Variants in KMT2E observed in about 807,000 individuals in gnomAD.
KMT2E encodes histone reader KMT2E.
In KMT2E, 30 loss-of-function variants were observed where a neutral mutation model predicts 184.6. The observed-to-expected ratio is 0.16, with a 90% CI of 0.12 to 0.22. The LOEUF (loss-of-function observed/expected upper bound fraction) is 0.22. Ranked by LOEUF, KMT2E falls within the 10% of genes least tolerant of loss-of-function variation. The probability of loss-of-function intolerance (pLI) is 1.00; values close to 1 mark genes in which losing one functional copy is unlikely to be tolerated. For synonymous variants in KMT2E, 815 were observed against 776.5 expected, an observed-to-expected ratio of 1.05 and a Z score of -0.82; for missense variants, 2,023 against 2,237.4, an observed-to-expected ratio of 0.90 and a Z score of 1.93.
chr7:105,020,790 C>T (rs1794918280), intron 1 of KMT2E, among the ~76,000 whole-genome samples: 1 of 152,134 alleles, frequency 6.6e-6, no homozygotes, highest in Admixed American at 6.5e-5. Flanking sequence ...CTTTTCCTTA[C>T]CGTTTGGCCT....
At position 105,035,076 on chromosome 7, in the gene KMT2E, G is replaced by A. The variant is rs1292090678; in HGVS notation, c.-188-3050G>A. On this transcript the variant is annotated intron_variant, in intron 1 of 26. Transcript: ENST00000311117. ...GTCTTGCTGTGTTGCCCAGGCTGGGGTGCAGTGGCACGATCTCGGCTCACT... is the reference window on the plus strand; with the variant it reads ...GTCTTGCTGTGTTGCCCAGGCTGGGATGCAGTGGCACGATCTCGGCTCACT... Among the ~76,000 whole-genome samples, 6 of 150,184 alleles carry A rather than the reference G, an allele frequency of 4.0e-5. No homozygotes were observed. In the South Asian group the frequency reaches 1.1e-3, roughly 27 times the overall value.
In KMT2E at chr7:105,053,742, A is replaced by G. The variant is rs541458816; in HGVS notation, c.72-8422A>G. Among the ~76,000 whole-genome samples, 38 of 152,294 alleles carry G rather than the reference A, an allele frequency of 2.5e-4. No homozygotes were observed. In the South Asian group the frequency reaches 6.4e-3, roughly 26 times the overall value. On this transcript the variant is annotated intron_variant, in intron 3 of 26. Coordinates refer to ENST00000311117, the MANE Select transcript of KMT2E (RefSeq NM_182931.3). ...ATTTTTTTAAAAATTAGCCAGGCAT[A>G]GTGGCTCATGACTGTAATCTACTCA...
At position 105,106,095 on chromosome 7, in the gene KMT2E, A is replaced by C. The variant is rs1383348086; in HGVS notation, c.2596+92A>C. On this transcript the variant is annotated intron_variant, in intron 19 of 26. Coordinates refer to ENST00000311117, the MANE Select transcript of KMT2E (RefSeq NM_182931.3). ...GGCATATTTCTAGTTACTGGTATGC[A>C]CTTTAGAAGAGAAGCACATTGGTGT... 3.2e-6 allele frequency: 4 copies of C among 1,246,634 alleles called. No homozygotes were observed. The East Asian group carries it at 9.4e-5, about 29-fold the overall frequency. 77.2% of individuals were successfully genotyped at this position (1,246,634 alleles called of 1,614,324 possible).
At chr7:105,032,255 C>A (rs1795454330) in intron 1 of KMT2E, among the ~76,000 whole-genome samples, 1 of 151,570 alleles carries the variant, frequency 6.6e-6, no homozygotes, top group African/African-American at 2.4e-5. Context: ...ACCAGCCTGG[C>A]CAACATGGTG....
chr7:105,101,277 G>GT (rs1210942738), intron 15 of KMT2E, 148 bp from the exon 16 acceptor site: 6 of 497,488 alleles, frequency 1.2e-5, no homozygotes, highest in Non-Finnish European at 1.7e-5. Context: ...GAACAGAAAT[G>GT]TTTTTTCTCC....
At chr7:105,055,125 C>G (rs1796525007) in intron 3 of KMT2E, among the ~76,000 whole-genome samples, 1 of 151,636 alleles carries the variant, frequency 6.6e-6, no homozygotes, top group African/African-American at 2.4e-5. Flanking sequence ...TTTATTTTGT[C>G]ATACTACTAC....
chr7:105,074,954 A>G, intron 8 of KMT2E, 139 bp downstream of exon 8: 1 of 598,382 alleles, frequency 1.7e-6, no homozygotes, highest in Non-Finnish European at 2.7e-6. Context: ...TAAACAATTA[A>G]ACTTACTTGA....
intron 1 of KMT2E, among the ~76,000 whole-genome samples, chr7:105,033,481 T>A (rs1391360242): frequency 6.6e-6 from 1 of 152,110 alleles, no homozygotes; most frequent in Non-Finnish European, 1.5e-5. Context: ...TTTGTTTGTT[T>A]TGCTTTTTTT....
intron 3 of KMT2E, among the ~76,000 whole-genome samples, chr7:105,058,951 T>C (rs1363024180): frequency 6.6e-6 from 1 of 152,182 alleles, no homozygotes; most frequent in Non-Finnish European, 1.5e-5. Flanking sequence ...CAAAGCAGTA[T>C]ATGAATGAGT....
chr7:105,075,944 T>C (rs1562909853), intron 8 of KMT2E, 99 bp from the exon 9 acceptor site: 6 of 901,376 alleles, frequency 6.7e-6, no homozygotes, highest in South Asian at 3.0e-5. Context: ...TTTTTTGTTA[T>C]GACACTTCAG....
chr7:105,042,203 C>T (rs1180276319), intron 3 of KMT2E, among the ~76,000 whole-genome samples: 1 of 152,108 alleles, frequency 6.6e-6, no homozygotes, highest in Non-Finnish European at 1.5e-5. Flanking sequence ...ATTGACCAGG[C>T]TGGCCTCGAA....
intron 1 of KMT2E, among the ~76,000 whole-genome samples, chr7:105,025,149 T>G (rs1795123480): frequency 6.6e-6 from 1 of 152,188 alleles, no homozygotes; most frequent in African/African-American, 2.4e-5. Context: ...CTCAAAACAG[T>G]ACTTCTTTAG....
At chr7:105,061,551 G>C (rs1796813134) in intron 3 of KMT2E, among the ~76,000 whole-genome samples, 1 of 152,196 alleles carries the variant, frequency 6.6e-6, no homozygotes, top group African/African-American at 2.4e-5. Context: ...GAGCTTGTAA[G>C]TCAACAACAG....
At chr7:105,067,137 T>TA (rs1383296819) in intron 6 of KMT2E, among the ~76,000 whole-genome samples, 1 of 149,772 alleles carries the variant, frequency 6.7e-6, no homozygotes, top group Non-Finnish European at 1.5e-5. Flanking sequence ...GATTCTAACA[T>TA]ACGCTTTTCC....
chr7:105,031,119 G>C (rs764671289), intron 1 of KMT2E, among the ~76,000 whole-genome samples: 2 of 152,004 alleles, frequency 1.3e-5, no homozygotes. Context: ...CACCTTGGGA[G>C]GCCAAGGTGG....
In KMT2E at chr7:105,112,786, T is replaced by TCCCCCCCCC; in HGVS notation, c.5030_5031insCCCCCCCCC (p.Leu1677delinsPheProProPro). The TCCCCCCCCC allele has an allele frequency of 1.2e-6, 2 of 1,605,428 alleles. No homozygotes were observed. Among genetic ancestry groups the TCCCCCCCCC allele is most frequent in the Admixed American group, 1.7e-5 (1 of 59,462 alleles). On this transcript the variant is annotated protein_altering_variant, in exon 27 of 27. Transcript: ENST00000311117. ...CATTCTCAAACTGCTGGACACCACT[T>TCCCCCCCCC]ACCCCCACCCCCACCCCCTCCTGGT...
At chr7:105,067,277 C>A (rs1298522642) in intron 6 of KMT2E, among the ~76,000 whole-genome samples, 1 of 151,710 alleles carries the variant, frequency 6.6e-6, no homozygotes, top group Non-Finnish European at 1.5e-5. Flanking sequence ...AATAGTGCAT[C>A]TTCTACCTGA....
chr7:105,098,876 T>C (rs542856233), intron 15 of KMT2E, among the ~76,000 whole-genome samples: 6 of 152,326 alleles, frequency 3.9e-5, no homozygotes, highest in Admixed American at 3.9e-4. Flanking sequence ...TTAGATTATA[T>C]AGCACAGGTG....
In KMT2E at chr7:105,113,079, C is replaced by A; in HGVS notation, c.5323C>A (p.Pro1775Thr). The change falls in exon 27 of 27, where the codon CCC becomes ACC. Residue 1775 changes from proline (P) to threonine (T), a missense_variant. By Grantham distance (38) the Pro-to-Thr change is conservative. Coordinates refer to ENST00000311117, the MANE Select transcript of KMT2E (RefSeq NM_182931.3). ...ACATCATACCACTTTGGGACCGGGACCCCAGCACCAGCCTTCTGGAACAGG... is the reference window on the plus strand; with the variant it reads ...ACATCATACCACTTTGGGACCGGGAACCCAGCACCAGCCTTCTGGAACAGG... ...ATHHTTLGPG[P>T]QHQPSGTGPH... The A allele has an allele frequency of 6.2e-7, 1 of 1,614,148 alleles. No homozygotes were observed.
Sources: allele counts gnomAD v4.1 joint callset (sites outside exome capture counted in the v4.1 genomes callset), GRCh38; gene constraint gnomAD v4.1.1; transcripts MANE v1.5; gene names NCBI Gene and HGNC (gene_info 2026-07-23, HGNC 2026-07-21).